Variants in PPP6R3 observed in about 807,000 individuals in gnomAD.
PPP6R3 encodes the protein protein phosphatase 6 regulatory subunit 3.
A neutral mutation model predicts 110.7 loss-of-function variants in PPP6R3; 38 were observed. The observed-to-expected ratio is 0.34, with a 90% CI of 0.26 to 0.45. The LOEUF is 0.45. Among genes scored for constraint, PPP6R3 ranks in the 20% least tolerant of loss-of-function variants. PPP6R3 has a pLI of 1.00. For missense variants in PPP6R3, 870 were observed against 1,062.4 expected (o/e 0.82, Z 2.52); for synonymous variants, 369 against 373.5 (o/e 0.99, Z 0.14).
intron 1 of PPP6R3, among the ~76,000 whole-genome samples, chr11:68,475,356 C>T (rs1001396688): frequency 6.6e-6 from 1 of 152,086 alleles, no homozygotes; most frequent in East Asian, 1.9e-4. Flanking sequence ...TCTGTCTTTT[C>T]CCCACCTTTC....
At chr11:68,598,007 T>TA (rs2099619421) in intron 19 of PPP6R3, among the ~76,000 whole-genome samples, 1 of 151,726 alleles carries the variant, frequency 6.6e-6, no homozygotes, top group Admixed American at 6.6e-5. Flanking sequence ...AGTTCAGTAG[T>TA]ATATTCACAC....
Position 68,567,215 on chromosome 11 carries a change from A to G in PPP6R3, c.1128+49A>G, listed in dbSNP as rs890958190. 6 of 1,484,914 alleles carry G rather than the reference A, an allele frequency of 4.0e-6. No homozygotes were observed. In the East Asian group the frequency reaches 7.6e-5, roughly 19 times the overall value. The allele number at this position is 1,484,914 out of a possible 1,614,324, so 92.0% of individuals were successfully genotyped here. ...CATTTTAATTTGCCATTGATATTTC[A>G]TGGATATTTAACCAAGTTACAACCT... On this transcript the variant is annotated intron_variant, in intron 10 of 23. Coordinates refer to ENST00000393800, the MANE Select transcript of PPP6R3 (RefSeq NM_001164161.2).
chr11:68,497,461 T>C (rs929697121), intron 1 of PPP6R3, among the ~76,000 whole-genome samples: 2 of 152,106 alleles, frequency 1.3e-5, no homozygotes, highest in African/African-American at 4.8e-5. Flanking sequence ...CAGGTGATCT[T>C]CCCACCTCAG....
At chr11:68,476,547 T>C (rs1312943435) in intron 1 of PPP6R3, among the ~76,000 whole-genome samples, 1 of 152,198 alleles carries the variant, frequency 6.6e-6, no homozygotes, top group East Asian at 1.9e-4. Context: ...TATATACTTA[T>C]ATGTACATAC....
At chr11:68,482,554 G>C (rs2098921767) in intron 1 of PPP6R3, among the ~76,000 whole-genome samples, 1 of 151,974 alleles carries the variant, frequency 6.6e-6, no homozygotes, top group South Asian at 2.1e-4. Flanking sequence ...TTAATGAATA[G>C]TAGCCTATTT....
intron 14 of PPP6R3, among the ~76,000 whole-genome samples, chr11:68,582,023 T>G (rs2099556676): frequency 6.6e-6 from 1 of 152,200 alleles, no homozygotes; most frequent in Non-Finnish European, 1.5e-5. Context: ...CAGACCTATT[T>G]GAATTCTACT....
At chr11:68,495,612 T>C (rs2099010393) in intron 1 of PPP6R3, among the ~76,000 whole-genome samples, 1 of 152,238 alleles carries the variant, frequency 6.6e-6, no homozygotes, top group South Asian at 2.1e-4. Context: ...GGACTAGCTT[T>C]TTCCCTCTTA....
At chr11:68,462,320 T>C (rs1591404233) in intron 1 of PPP6R3, among the ~76,000 whole-genome samples, 1 of 152,212 alleles carries the variant, frequency 6.6e-6, no homozygotes, top group African/African-American at 2.4e-5. Flanking sequence ...AGTAAAACTA[T>C]AAGTTATTTT....
At chr11:68,495,650 A>G (rs998222495) in intron 1 of PPP6R3, among the ~76,000 whole-genome samples, 1 of 152,222 alleles carries the variant, frequency 6.6e-6, no homozygotes, top group Non-Finnish European at 1.5e-5. Context: ...TATCTGTGTA[A>G]CATGTATGAG....
intron 1 of PPP6R3, among the ~76,000 whole-genome samples, chr11:68,479,995 G>A (rs1368755887): frequency 2.0e-5 from 3 of 152,018 alleles, no homozygotes; most frequent in East Asian, 3.9e-4. Context: ...CCCTCCCAAA[G>A]TGCTGGGATT....
At chr11:68,575,924 G>A in intron 13 of PPP6R3, 34 bp from the exon 14 acceptor site, 1 of 1,492,292 alleles carries the variant, frequency 6.7e-7, no homozygotes, top group East Asian at 2.3e-5. Flanking sequence ...GGTCATTGTG[G>A]TGATAATGCT....
At chr11:68,500,711 C>T (rs191518304) in intron 1 of PPP6R3, among the ~76,000 whole-genome samples, 53 of 152,230 alleles carry the variant, frequency 3.5e-4, no homozygotes, top group African/African-American at 1.1e-3. Context: ...CTCCTGACCT[C>T]GTGATCTGCC....
At chr11:68,501,546 T>C (rs10896331) in intron 1 of PPP6R3, among the ~76,000 whole-genome samples, 48,415 of 152,052 alleles carry the variant, frequency 0.32, 8,768 homozygotes, top group African/African-American at 0.49. Context: ...AGGCTGGTCT[T>C]GAACTCCTGG....
At chr11:68,518,493 G>T (rs939994657) in intron 1 of PPP6R3, among the ~76,000 whole-genome samples, 2 of 152,144 alleles carry the variant, frequency 1.3e-5, no homozygotes, top group African/African-American at 4.8e-5. Context: ...AGGGAAGAGG[G>T]ATTTGCCATA....
At chr11:68,542,389 G>GTCTTTTTTTTTTTTTTT (rs2099321630) in intron 3 of PPP6R3, among the ~76,000 whole-genome samples, 1 of 40,188 alleles carries the variant, frequency 2.5e-5, no homozygotes, top group Non-Finnish European at 4.1e-5. Context: ...AGAAGCTGCT[G>GTCTTTTTTTTTTTTTTT]TTTTTTTTTT....
At chr11:68,517,087 C>G (rs765813277) in intron 1 of PPP6R3, among the ~76,000 whole-genome samples, 1 of 150,928 alleles carries the variant, frequency 6.6e-6, no homozygotes, top group Non-Finnish European at 1.5e-5. Context: ...CTGATTTCCT[C>G]TCTTCTGTTT....
chr11:68,585,349 A>G (rs73506207), intron 15 of PPP6R3, among the ~76,000 whole-genome samples: 1,999 of 152,300 alleles, frequency 0.013, 43 homozygotes, highest in African/African-American at 0.046. Flanking sequence ...GCTTGCTGGT[A>G]GGCAATTAGG....
At chr11:68,594,265 GGAGAGA>G (rs56125097) in intron 18 of PPP6R3, among the ~76,000 whole-genome samples, 2,960 of 136,932 alleles carry the variant, frequency 0.022, 85 homozygotes, top group African/African-American at 0.068. Flanking sequence ...TAAAAAAGGG[GGAGAGA>G]GAGAGAGAGA....
chr11:68,465,907 C>T (rs768794276), intron 1 of PPP6R3, among the ~76,000 whole-genome samples: 5 of 152,204 alleles, frequency 3.3e-5, no homozygotes, highest in Non-Finnish European at 5.9e-5. Flanking sequence ...ATGATTACTT[C>T]GACTTGCCTC....
Sources: gnomAD v4.1 joint callset for allele counts (sites outside exome capture counted in the v4.1 genomes callset) on GRCh38, gnomAD v4.1.1 for gene constraint, MANE v1.5 for transcripts, NCBI Gene and HGNC (gene_info 2026-07-23, HGNC 2026-07-21) for gene names.